Variants in ASB13 observed in about 807,000 individuals in gnomAD.
ASB13 encodes ankyrin repeat and SOCS box containing 13, also known as ankyrin repeat and SOCS box protein 13.
ASB13 carries 33 observed loss-of-function variants against 28.8 expected under a neutral mutation model. The observed-to-expected ratio is 1.15, with a 90% CI of 0.87 to 1.53. The LOEUF is 1.53. Among genes scored for constraint, ASB13 ranks in the 40% most tolerant of loss-of-function variants. ASB13 has a pLI of 0.00. For synonymous variants in ASB13, 182 were observed against 172.9 expected (o/e 1.05, Z -0.41); for missense variants, 414 against 390.1 (o/e 1.06, Z -0.52).
rs528650237 is a variant in ASB13 at position 5,651,981 on chromosome 10, G to A, written c.232-618C>T. ...CACGCCACTGCATTCCAGCCTAGGC[G>A]ACAGAGAAAGACCTTATCTCAAAAA... On this transcript the variant is annotated intron_variant, in intron 2 of 5. Coordinates refer to ENST00000357700, the MANE Select transcript of ASB13 (RefSeq NM_024701.4). This position sits in a 1 kb window ranked among gnomAD's most constrained non-coding sequence, Gnocchi z 5.1. Among the ~76,000 whole-genome samples the A allele has an allele frequency of 5.4e-5, 7 of 129,152 alleles. No homozygotes were observed. The highest frequency in any genetic ancestry group is 4.6e-4 in the East Asian group (2 of 4,360). 84.7% of individuals were successfully genotyped at this position (129,152 alleles called of 152,430 possible).
rs2386644 is a variant in ASB13 at position 5,660,257 on chromosome 10, C to T, written c.43+6252G>A. On this transcript the variant is annotated intron_variant, in intron 1 of 5. Coordinates refer to ENST00000357700, the MANE Select transcript of ASB13 (RefSeq NM_024701.4). This position sits in a 1 kb window ranked among gnomAD's most constrained non-coding sequence, Gnocchi z 6.1. ...AGAAGGAATGACACGTGCTTCAGAA[C>T]GTTCTCTCCACTCTTCCACCCACGA... 0.46 allele frequency among the ~76,000 whole-genome samples: 69,641 copies of T among 152,176 alleles called. 16,452 individuals carry two copies. Among genetic ancestry groups the T allele is most frequent in the Middle Eastern group, 0.67 (196 of 294 alleles).
chr10:5,662,508 C>T (rs982755359), intron 1 of ASB13, among the ~76,000 whole-genome samples: 17 of 115,454 alleles, frequency 1.5e-4, no homozygotes, highest in African/African-American at 4.7e-4. Context: ...CCAGCCTGGG[C>T]GACAGACTGA....
rs756155307 is a variant in ASB13 at position 5,661,957 on chromosome 10, T to C, written c.43+4552A>G. Among the ~76,000 whole-genome samples the C allele has an allele frequency of 1.3e-5, 2 of 151,992 alleles. No individual in the cohort carries two copies. The highest frequency in any genetic ancestry group is 2.4e-5 in the African/African-American group (1 of 41,354). On this transcript the variant is annotated intron_variant, in intron 1 of 5. Transcript: ENST00000357700. The surrounding 1 kb of genome is among the most constrained non-coding windows in gnomAD (Gnocchi z 4.9). ...CCTGCAAAACCCCAGTAAGCATTCT[T>C]GAAATGGTGAGGGTGGGCCCTCCAC...
chr10:5,654,145 C>CT (rs145949502), intron 1 of ASB13, among the ~76,000 whole-genome samples: 68,739 of 128,680 alleles, frequency 0.53, 19,457 homozygotes, highest in Middle Eastern at 0.68. Flanking sequence ...TTCTTTTTTT[C>CT]TTTTTTTTTT....
rs1287699938 is a variant in ASB13, at chr10:5,651,090, T to C, written c.382+123A>G. ...GGAGCCAGAAACAGACTCAGAACTC[T>C]CCTTCACCAGCCAAGGGCTCCCAAT... On this transcript the variant is annotated intron_variant, in intron 3 of 5. Coordinates refer to ENST00000357700, the MANE Select transcript of ASB13 (RefSeq NM_024701.4). The surrounding 1 kb of genome is among the most constrained non-coding windows in gnomAD (Gnocchi z 5.1). The C allele has an allele frequency of 3.1e-6, 4 of 1,284,666 alleles. No homozygotes were observed. Among genetic ancestry groups the C allele is most frequent in the Admixed American group, 2.5e-5 (1 of 40,376 alleles). 79.6% of individuals were successfully genotyped at this position (1,284,666 alleles called of 1,614,324 possible).
intron 4 of ASB13, among the ~76,000 whole-genome samples, chr10:5,647,119 C>T (rs10905826): frequency 0.19 from 28,209 of 152,004 alleles, 2,825 homozygotes; most frequent in Middle Eastern, 0.29. Context: ...TTCCTGTTCC[C>T]AAACAGGTTT....
chr10:5,643,564 A>G (rs1054921522), intron 4 of ASB13, among the ~76,000 whole-genome samples: 13 of 152,360 alleles, frequency 8.5e-5, no homozygotes, highest in African/African-American at 3.1e-4. Context: ...GCAGAAATGT[A>G]CTACAAAAAA....
In ASB13 at chr10:5,649,482, T is replaced by C. The variant is rs1750162207; in HGVS notation, c.383-378A>G. On this transcript the variant is annotated intron_variant, in intron 3 of 5. Transcript: ENST00000357700. The surrounding 1 kb of genome is among the most constrained non-coding windows in gnomAD (Gnocchi z 6.4). ...GCCTCCCAGGAAACCCCCCAGACTT[T>C]CTTATGCAGGTCATCCTCCTGTGCA... Among the ~76,000 whole-genome samples the C allele has an allele frequency of 6.6e-6, 1 of 151,062 alleles. No homozygotes were observed. The highest frequency in any genetic ancestry group is 1.5e-5 in the Non-Finnish European group (1 of 67,850).
Position 5,658,880 on chromosome 10 carries a change from G to A in ASB13, c.44-5830C>T, listed in dbSNP as rs9424135. Among the ~76,000 whole-genome samples the A allele has an allele frequency of 1.3e-5, 2 of 152,040 alleles. No individual in the cohort carries two copies. Among genetic ancestry groups the A allele is most frequent in the South Asian group, 2.1e-4 (1 of 4,828 alleles). ...ACAGCAGGTGCCTGGGGTGCACCTC[G>A]TCACCTTTCCTGACACCCCCAAACC... On this transcript the variant is annotated intron_variant, in intron 1 of 5. Coordinates refer to ENST00000357700, the MANE Select transcript of ASB13 (RefSeq NM_024701.4). This position sits in a 1 kb window ranked among gnomAD's most constrained non-coding sequence, Gnocchi z 4.2.
rs947896718 is a variant in ASB13 at position 5,649,545 on chromosome 10, A to C, written c.383-441T>G. The stretch of plus-strand genomic sequence containing the variant: ...CCTCTCCTGCCTCTTTTTTTTTTTT[A>C]GACAAAGTCTCATTCTGTTGCCCAG... On this transcript the variant is annotated intron_variant, in intron 3 of 5. Transcript: ENST00000357700. This position sits in a 1 kb window ranked among gnomAD's most constrained non-coding sequence, Gnocchi z 6.4. Among the ~76,000 whole-genome samples, 64 of 133,954 alleles carry C rather than the reference A, an allele frequency of 4.8e-4. No individual in the cohort carries two copies. Among genetic ancestry groups the C allele is most frequent in the Non-Finnish European group, 3.3e-5 (2 of 60,422 alleles). The allele number at this position is 133,954 out of a possible 152,430, so 87.9% of individuals were successfully genotyped here.
At position 5,653,040 on chromosome 10, in the gene ASB13, C is replaced by G; in HGVS notation, c.54G>C (p.Val18=). The change falls in exon 2 of 6, where the codon GTG becomes GTC. Residue 18 remains valine, a synonymous_variant. Transcript: ENST00000357700. ...CTGCCTCGTGCACAGGGGTCCGCTC[C>G]ACCCAGAAACCTGGAAAGGAAGGGG... ...GCFLGDVGFW[V]ERTPVHEAAQ... The G allele has an allele frequency of 1.3e-6, 2 of 1,542,990 alleles. No individual in the cohort carries two copies. Among genetic ancestry groups the G allele is most frequent in the Non-Finnish European group, 1.8e-6 (2 of 1,141,768 alleles).
Position 5,650,303 on chromosome 10 carries a change from AC to A in ASB13, c.382+909del, listed in dbSNP as rs1266191992. Among the ~76,000 whole-genome samples the A allele has an allele frequency of 6.6e-6, 1 of 152,124 alleles. No individual in the cohort carries two copies. Among genetic ancestry groups the A allele is most frequent in the Non-Finnish European group, 1.5e-5 (1 of 68,020 alleles). Reference sequence around the variant, plus strand: ...ACCTCCGTCTATCTGCACATGGAGGACCACTAAATGAACCTTCCCCAAATTC... The same window carrying A: ...ACCTCCGTCTATCTGCACATGGAGGACACTAAATGAACCTTCCCCAAATTC... On this transcript the variant is annotated intron_variant, in intron 3 of 5. Transcript: ENST00000357700. The surrounding 1 kb of genome is among the most constrained non-coding windows in gnomAD (Gnocchi z 6.0).
At chr10:5,662,538 GGGGA>G (rs1367159881) in intron 1 of ASB13, among the ~76,000 whole-genome samples, 628 of 42,632 alleles carry the variant, frequency 0.015, 16 homozygotes, top group Middle Eastern at 0.043. Flanking sequence ...GAGAAGGGGG[GGGGA>G]GGGGAGGGGA....
In ASB13 at chr10:5,655,563, C is replaced by T. The variant is rs1835056988; in HGVS notation, c.44-2513G>A. ...GACCCTATGTCAGTGGAAGTGGGGA[C>T]TAGGGAGAACTGAACCACAAAGGAA... is the stretch of plus-strand genomic sequence containing the variant. On this transcript the variant is annotated intron_variant, in intron 1 of 5. Transcript: ENST00000357700. This position sits in a 1 kb window ranked among gnomAD's most constrained non-coding sequence, Gnocchi z 6.2. Among the ~76,000 whole-genome samples the T allele has an allele frequency of 6.6e-6, 1 of 152,146 alleles. No homozygotes were observed. Among genetic ancestry groups the T allele is most frequent in the Non-Finnish European group, 1.5e-5 (1 of 68,030 alleles).
Position 5,660,483 on chromosome 10 carries a change from G to A in ASB13, c.43+6026C>T, listed in dbSNP as rs1347615573. 6.6e-6 allele frequency among the ~76,000 whole-genome samples: 1 copy of A among 152,138 alleles called. No homozygotes were observed. The highest frequency in any genetic ancestry group is 2.4e-5 in the African/African-American group (1 of 41,428). On this transcript the variant is annotated intron_variant, in intron 1 of 5. Coordinates refer to ENST00000357700, the MANE Select transcript of ASB13 (RefSeq NM_024701.4). This position sits in a 1 kb window ranked among gnomAD's most constrained non-coding sequence, Gnocchi z 6.1. The stretch of plus-strand genomic sequence containing the variant: ...GGCTCAGGGTCAGCCTACCCTCAGG[G>A]AGCAGACTCTACAGGGGCAAGCTGC...
intron 4 of ASB13, among the ~76,000 whole-genome samples, chr10:5,646,835 G>C (rs1834892702): frequency 6.6e-6 from 1 of 152,170 alleles, no homozygotes; most frequent in Non-Finnish European, 1.5e-5. Context: ...AGCTCATAAA[G>C]GCTTGATATG....
At position 5,661,049 on chromosome 10, in the gene ASB13, T is replaced by G. The variant is rs143363232; in HGVS notation, c.43+5460A>C. 1.1e-3 allele frequency among the ~76,000 whole-genome samples: 168 copies of G among 152,232 alleles called. No individual in the cohort carries two copies. The highest frequency in any genetic ancestry group is 3.7e-3 in the African/African-American group (153 of 41,534). Reference sequence around the variant, plus strand: ...TATTTTTGTTTCTTTTTCTTTATTTTCCCCCTAGGCAGCTGGTTTGCCAGT... The same window carrying G: ...TATTTTTGTTTCTTTTTCTTTATTTGCCCCCTAGGCAGCTGGTTTGCCAGT... On this transcript the variant is annotated intron_variant, in intron 1 of 5. Coordinates refer to ENST00000357700, the MANE Select transcript of ASB13 (RefSeq NM_024701.4). The surrounding 1 kb of genome is among the most constrained non-coding windows in gnomAD (Gnocchi z 4.9).
Position 5,663,805 on chromosome 10 carries a change from T to C in ASB13, c.43+2704A>G, listed in dbSNP as rs1835210782. 6.6e-6 allele frequency among the ~76,000 whole-genome samples: 1 copy of C among 152,148 alleles called. No individual in the cohort carries two copies. The highest frequency in any genetic ancestry group is 1.5e-5 in the Non-Finnish European group (1 of 68,030). ...CCCTCTTTGAATTCCTATTTTAGGATAAAATAGCCGCCCACTCCAAGTAAC... is the reference window on the plus strand; with the variant it reads ...CCCTCTTTGAATTCCTATTTTAGGACAAAATAGCCGCCCACTCCAAGTAAC... On this transcript the variant is annotated intron_variant, in intron 1 of 5. Transcript: ENST00000357700. The surrounding 1 kb of genome is among the most constrained non-coding windows in gnomAD (Gnocchi z 4.9).
Position 5,651,377 on chromosome 10 carries a change from G to T in ASB13, c.232-14C>A, listed in dbSNP as rs750069382. 3.2e-6 allele frequency: 5 copies of T among 1,584,626 alleles called. No homozygotes were observed. Among genetic ancestry groups the T allele is most frequent in the Non-Finnish European group, 4.3e-6 (5 of 1,161,480 alleles). On this transcript the variant is annotated splice_polypyrimidine_tract_variant and intron_variant, in intron 2 of 5. Coordinates refer to ENST00000357700, the MANE Select transcript of ASB13 (RefSeq NM_024701.4). The surrounding 1 kb of genome is among the most constrained non-coding windows in gnomAD (Gnocchi z 5.1). ...GCGAGCATCCACCTCACGGGAGGAA[G>T]AAACAAGTGTCAAAGGGCAGAGAAA...
Sources: allele counts gnomAD v4.1 joint callset (sites outside exome capture counted in the v4.1 genomes callset), GRCh38; gene constraint gnomAD v4.1.1; non-coding constraint Gnocchi (gnomAD v3.1); transcripts MANE v1.5; gene names NCBI Gene and HGNC (gene_info 2026-07-23, HGNC 2026-07-21).